The following MACROD2 variants were observed in gnomAD, a reference collection of about 807,000 sequenced individuals.
MACROD2 encodes ADP-ribose glycohydrolase MACROD2.
A neutral mutation model predicts 70.4 loss-of-function variants in MACROD2; 36 were observed. That is an observed-to-expected ratio of 0.51 (90% confidence interval 0.39 to 0.68). MACROD2 has a LOEUF of 0.68. Among genes scored for constraint, MACROD2 ranks in the 30% least tolerant of loss-of-function variants. The probability of loss-of-function intolerance (pLI) is 0.00; values close to 1 mark genes in which losing one functional copy is unlikely to be tolerated. For synonymous variants in MACROD2, 172 were observed against 178.8 expected (o/e 0.96, Z 0.30); for missense variants, 496 against 538.4 (o/e 0.92, Z 0.78).
chr20:14,077,040 T>G (rs778402893), intron 2 of MACROD2, among the ~76,000 whole-genome samples: 1 of 152,220 alleles, frequency 6.6e-6, no homozygotes, highest in African/African-American at 2.4e-5. Context: ...TAAATGCATA[T>G]GTTGTAGAAA....
intron 4 of MACROD2, among the ~76,000 whole-genome samples, chr20:14,648,733 G>T (rs1985528804): frequency 6.6e-6 from 1 of 151,978 alleles, no homozygotes; most frequent in South Asian, 2.1e-4. Context: ...TTATTTAAGA[G>T]TATACTATGA....
At chr20:13,999,468 A>G (rs1411621180) in intron 1 of MACROD2, among the ~76,000 whole-genome samples, 1 of 152,234 alleles carries the variant, frequency 6.6e-6, no homozygotes, top group Non-Finnish European at 1.5e-5. Flanking sequence ...TATTCTTAGT[A>G]GCTTACATGG....
intron 5 of MACROD2, chr20:14,892,978 C>G (rs2073781710): frequency 6.6e-6 from 1 of 152,082 alleles, no homozygotes; most frequent in Admixed American, 6.6e-5. Context: ...CACGCCCAGC[C>G]CATGATTCTA....
At chr20:14,314,549 T>C (rs1459732460) in intron 3 of MACROD2, among the ~76,000 whole-genome samples, 2 of 151,978 alleles carry the variant, frequency 1.3e-5, no homozygotes, top group Non-Finnish European at 2.9e-5. Flanking sequence ...TCACCTGAGG[T>C]TGGGAGTGAA....
chr20:15,366,629 C>A (rs1349694354), intron 6 of MACROD2, among the ~76,000 whole-genome samples: 1 of 151,674 alleles, frequency 6.6e-6, no homozygotes, highest in Non-Finnish European at 1.5e-5. Context: ...TAGCTCACTG[C>A]AGTCTATAAC....
At chr20:14,646,460 TTA>T (rs776909128) in intron 4 of MACROD2, among the ~76,000 whole-genome samples, 2 of 152,138 alleles carry the variant, frequency 1.3e-5, no homozygotes, top group African/African-American at 2.4e-5. Flanking sequence ...TATAGCACTA[TTA>T]TGTTATCTGT....
chr20:15,557,208 T>G (rs941539249), intron 8 of MACROD2, among the ~76,000 whole-genome samples: 16 of 143,648 alleles, frequency 1.1e-4, no homozygotes, highest in Admixed American at 2.7e-4. Context: ...AATTTGGAGA[T>G]TCCTTAAAAA....
chr20:15,796,305 T>C (rs532770442), intron 8 of MACROD2, among the ~76,000 whole-genome samples: 3 of 152,346 alleles, frequency 2.0e-5, no homozygotes, highest in African/African-American at 7.2e-5. Context: ...GCAAGGCAGA[T>C]GGACACATTT....
At chr20:15,504,986 AC>A (rs888756866) in intron 8 of MACROD2, among the ~76,000 whole-genome samples, 3 of 152,010 alleles carry the variant, frequency 2.0e-5, no homozygotes, top group African/African-American at 7.3e-5. Context: ...CAGCTCTGAG[AC>A]CCCCTGCTCA....
At chr20:14,075,907 A>G (rs1345442658) in intron 2 of MACROD2, among the ~76,000 whole-genome samples, 3 of 152,242 alleles carry the variant, frequency 2.0e-5, no homozygotes, top group Non-Finnish European at 2.9e-5. Flanking sequence ...GTTCGATGTC[A>G]CCTCAGTTAC....
intron 3 of MACROD2, among the ~76,000 whole-genome samples, chr20:14,356,300 T>C (rs1394437436): frequency 6.6e-6 from 1 of 152,168 alleles, no homozygotes; most frequent in Non-Finnish European, 1.5e-5. Flanking sequence ...TTACTATTTT[T>C]TTAGTAAGTT....
intron 15 of MACROD2, among the ~76,000 whole-genome samples, chr20:16,025,902 T>G (rs983085513): frequency 2.0e-5 from 3 of 151,958 alleles, no homozygotes; most frequent in South Asian, 2.1e-4. Context: ...TCCCAGCACT[T>G]TGGGACACCA....
At chr20:14,769,928 A>C (rs1218198813) in intron 5 of MACROD2, among the ~76,000 whole-genome samples, 1 of 152,090 alleles carries the variant, frequency 6.6e-6, no homozygotes, top group Admixed American at 6.6e-5. Flanking sequence ...GAGTTACCCG[A>C]GGAAATGTTG....
At chr20:15,412,038 G>A (rs188849665) in intron 6 of MACROD2, among the ~76,000 whole-genome samples, 209 of 152,228 alleles carry the variant, frequency 1.4e-3, no homozygotes, top group Non-Finnish European at 2.2e-3. Context: ...TGCCTTCTCC[G>A]TTGTTTAGAA....
intron 6 of MACROD2, among the ~76,000 whole-genome samples, chr20:15,355,097 C>A (rs1279794146): frequency 1.3e-5 from 2 of 152,168 alleles, no homozygotes; most frequent in Non-Finnish European, 2.9e-5. Context: ...CTAATGCCAA[C>A]TGGAGTACTA....
chr20:14,320,601 T>A (rs527264590), intron 3 of MACROD2, among the ~76,000 whole-genome samples: 114 of 152,156 alleles, frequency 7.5e-4, no homozygotes, highest in African/African-American at 2.6e-3. Flanking sequence ...GTTGGACTAT[T>A]GGCCTTTATC....
At chr20:15,800,607 G>A (rs1045891149) in intron 8 of MACROD2, among the ~76,000 whole-genome samples, 7 of 152,192 alleles carry the variant, frequency 4.6e-5, no homozygotes, top group African/African-American at 1.7e-4. Context: ...CCGTCCGGGA[G>A]GTGAGGGGCG....
chr20:14,662,224 A>G (rs1236381489), intron 4 of MACROD2, among the ~76,000 whole-genome samples: 1 of 152,180 alleles, frequency 6.6e-6, no homozygotes, highest in East Asian at 1.9e-4. Context: ...AAACCTGACA[A>G]TAACACACAG....
chr20:15,538,723 G>A (rs982052982), intron 8 of MACROD2, among the ~76,000 whole-genome samples: 3 of 152,098 alleles, frequency 2.0e-5, no homozygotes, highest in African/African-American at 7.2e-5. Flanking sequence ...TTTTGAATGA[G>A]AGTAAGCAAA....
Sources: allele counts gnomAD v4.1 joint callset (sites outside exome capture counted in the v4.1 genomes callset), GRCh38; gene constraint gnomAD v4.1.1; transcripts MANE v1.5; gene names NCBI Gene and HGNC (gene_info 2026-07-23, HGNC 2026-07-21).